Variants in ASH2L observed in about 807,000 individuals in gnomAD.
ASH2L encodes the protein ASH2 like, histone lysine methyltransferase complex subunit, also known as set1/Ash2 histone methyltransferase complex subunit ASH2.
Under a neutral mutation model 81.1 loss-of-function variants are expected in ASH2L, and 30 were observed. That is an observed-to-expected ratio of 0.37 (90% CI 0.28 to 0.50). ASH2L has a LOEUF of 0.50. ASH2L is among the 20% of genes least tolerant of loss of function. ASH2L has a pLI of 0.95. For synonymous variants in ASH2L, 273 were observed against 279.9 expected, an observed-to-expected ratio of 0.98 and a Z score of 0.24; for missense variants, 559 against 792.1, an observed-to-expected ratio of 0.71 and a Z score of 3.53.
intron 3 of ASH2L, among the ~76,000 whole-genome samples, chr8:38,107,378 G>GT (rs1810482928): frequency 6.6e-6 from 1 of 152,034 alleles, no homozygotes; most frequent in African/African-American, 2.4e-5. Context: ...ACAATGGTGG[G>GT]TATTGCCCCT....
At chr8:38,125,300 A>G (rs1207202187) in intron 10 of ASH2L, among the ~76,000 whole-genome samples, 1 of 152,132 alleles carries the variant, frequency 6.6e-6, no homozygotes, top group Non-Finnish European at 1.5e-5. Context: ...CCCTATGTAC[A>G]CTAAAAACTA....
In ASH2L at chr8:38,139,315, G is replaced by GC. The variant is rs2130600380; in HGVS notation, c.*249dup. On this transcript the variant is annotated 3_prime_UTR_variant, in exon 16 of 16. Transcript: ENST00000343823. Reference sequence around the variant, plus strand: ...AACCGCTGACTCCAGGATTGCATAAGCCCCCTGTGAAATCGGTGCTGTACT... The same window carrying GC: ...AACCGCTGACTCCAGGATTGCATAAGCCCCCCTGTGAAATCGGTGCTGTACT... The GC allele has an allele frequency of 2.3e-6, 1 of 439,110 alleles. No individual in the cohort carries two copies. Among genetic ancestry groups the GC allele is most frequent in the African/African-American group, 1.9e-5 (1 of 51,628 alleles). The allele number at this position is 439,110 out of a possible 1,614,324, so 27.2% of individuals were successfully genotyped here.
chr8:38,133,404 T>C (rs780783670), intron 12 of ASH2L, 50 bp from the exon 13 acceptor site: 2 of 1,343,064 alleles, frequency 1.5e-6, no homozygotes, highest in East Asian at 2.3e-5. Context: ...TTTTTCATGA[T>C]GATGGAGCTG....
intron 9 of ASH2L, 147 bp from the exon 10 acceptor site, chr8:38,120,785 G>A: frequency 1.5e-6 from 1 of 659,196 alleles, no homozygotes; most frequent in Non-Finnish European, 2.6e-6. Context: ...GAAGAGGGCA[G>A]AGTTACTTAT....
chr8:38,133,028 A>C (rs756453545), intron 12 of ASH2L, among the ~76,000 whole-genome samples: 40 of 152,048 alleles, frequency 2.6e-4, no homozygotes, highest in Non-Finnish European at 4.7e-4. Flanking sequence ...CGGAGGTTGC[A>C]GTGAGAAGAG....
rs373296500 is a variant in ASH2L at position 38,136,697 on chromosome 8, C to A, written c.1719+931C>A. 1.8e-4 allele frequency among the ~76,000 whole-genome samples: 28 copies of A among 151,732 alleles called. 1 individual carries two copies. The highest frequency in any genetic ancestry group is 5.8e-4 in the African/African-American group (24 of 41,374). Reference sequence around the variant, plus strand: ...GGCTGAGGCAGGAGAATCACTTGAACCCAGGAGGCGGAGGTTGCAATGAGC... The same window carrying A: ...GGCTGAGGCAGGAGAATCACTTGAAACCAGGAGGCGGAGGTTGCAATGAGC... On this transcript the variant is annotated intron_variant, in intron 14 of 15. Transcript: ENST00000343823.
intron 11 of ASH2L, 69 bp from the exon 12 acceptor site, chr8:38,128,688 CT>C: frequency 1.3e-6 from 2 of 1,557,552 alleles, no homozygotes; most frequent in African/African-American, 1.4e-5. Flanking sequence ...GAAATAGGAT[CT>C]TTTTCCTTCA....
rs1810433530 is a variant in ASH2L, at chr8:38,106,379, G to A, written c.190G>A (p.Glu64Lys). ...EPSSGEAEGGEANLVDVSGGL... is the reference protein window; with the variant it reads ...EPSSGEAEGGKANLVDVSGGL... ...TTGAGCGCTTTCATTATCTTATAGG[G>A]AGGCAAACTTGGTCGATGTAAGCGG... Residue 64 changes from glutamate (E) to lysine (K), a missense_variant and splice_region_variant, in exon 2 of 16, where the codon GAG (glutamate) becomes AAG (lysine). Physicochemically the swap from Glu to Lys is moderately conservative, Grantham distance 56. This residue lies in a region of ASH2L where 145 missense variants were observed against 115.5 expected (regional missense o/e 1.26). Transcript: ENST00000343823. The A allele has an allele frequency of 3.1e-6, 5 of 1,613,914 alleles. No individual in the cohort carries two copies. In the African/African-American group the frequency reaches 5.3e-5, roughly 17 times the overall value.
chr8:38,119,242 T>C lies in ASH2L; in HGVS notation c.854-28T>C, dbSNP rs562433102. 3.1e-5 allele frequency: 48 copies of C among 1,545,582 alleles called. No individual in the cohort carries two copies. In the East Asian group the frequency reaches 6.9e-4, roughly 22 times the overall value. ...CACATGGTGTTTCCCTTGTGGCTCATTGAAAGCAATCTGCCTTCTCTTCAA... is the reference window on the plus strand; with the variant it reads ...CACATGGTGTTTCCCTTGTGGCTCACTGAAAGCAATCTGCCTTCTCTTCAA... On this transcript the variant is annotated intron_variant, in intron 8 of 15. Transcript: ENST00000343823.
intron 10 of ASH2L, among the ~76,000 whole-genome samples, chr8:38,126,453 T>C (rs1801846951): frequency 6.6e-6 from 1 of 152,170 alleles, no homozygotes; most frequent in Non-Finnish European, 1.5e-5. Flanking sequence ...TTTAATAGTA[T>C]TATTGTTAAT....
In ASH2L at chr8:38,120,964, C is replaced by T. The variant is rs1371189100; in HGVS notation, c.980C>T (p.Pro327Leu). The change falls in exon 10 of 16, where the codon CCT (proline) becomes CTT (leucine). Residue 327 changes from proline (P) to leucine (L), a missense_variant. Pro to Leu is a moderately conservative substitution (Grantham distance 98, BLOSUM62 -3). This residue lies in a region of ASH2L where 318 missense variants were observed against 527.0 expected (regional missense o/e 0.60). Coordinates refer to ENST00000343823, the MANE Select transcript of ASH2L (RefSeq NM_004674.5). ...TTGTTTTCTGCTCAGCGCCTTCCCCCTCATGGCTACCCATTGGAACACCCG... is the reference window on the plus strand; with the variant it reads ...TTGTTTTCTGCTCAGCGCCTTCCCCTTCATGGCTACCCATTGGAACACCCG... ...DPLFSAQRLPPHGYPLEHPFN... is the reference protein window; with the variant it reads ...DPLFSAQRLPLHGYPLEHPFN... 1.2e-6 allele frequency: 2 copies of T among 1,613,718 alleles called. No homozygotes were observed. The highest frequency in any genetic ancestry group is 2.2e-5 in the East Asian group (1 of 44,842).
chr8:38,114,658 T>G (rs1405252230), intron 6 of ASH2L: 1 of 461,122 alleles, frequency 2.2e-6, no homozygotes, highest in Non-Finnish European at 3.8e-6. Flanking sequence ...AACAGCAAGC[T>G]GTTAACAGTG....
At chr8:38,138,728 T>C in intron 14 of ASH2L, 88 bp from the exon 15 acceptor site, 1 of 1,148,620 alleles carries the variant, frequency 8.7e-7, no homozygotes, top group Non-Finnish European at 1.3e-6. Flanking sequence ...GTAGCCACAT[T>C]TAAAGTGAAA....
At chr8:38,105,965 T>C (rs1240449179) in intron 1 of ASH2L, 4 of 1,524,564 alleles carry the variant, frequency 2.6e-6, no homozygotes, top group African/African-American at 1.4e-5. Context: ...TCGTTATCTC[T>C]GATCCTTGCA....
At chr8:38,106,539 G>A in intron 2 of ASH2L, 95 bp downstream of exon 2, 1 of 1,069,960 alleles carries the variant, frequency 9.3e-7, no homozygotes, top group South Asian at 1.5e-5. Context: ...ACGGAGCCTT[G>A]CTCTGTCGCC....
At chr8:38,108,194 G>A (rs952167226) in intron 3 of ASH2L, among the ~76,000 whole-genome samples, 2 of 152,104 alleles carry the variant, frequency 1.3e-5, no homozygotes, top group African/African-American at 4.8e-5. Flanking sequence ...TGTGATTTAG[G>A]AAAGAGTGTT....
chr8:38,119,260 C>G lies in ASH2L; in HGVS notation c.854-10C>G. ...TGGCTCATTGAAAGCAATCTGCCTTCTCTTCAAAGGGGGAATTGCAGCAGG... is the reference window on the plus strand; with the variant it reads ...TGGCTCATTGAAAGCAATCTGCCTTGTCTTCAAAGGGGGAATTGCAGCAGG... On this transcript the variant is annotated splice_polypyrimidine_tract_variant and intron_variant, in intron 8 of 15. Coordinates refer to ENST00000343823, the MANE Select transcript of ASH2L (RefSeq NM_004674.5). 2 of 1,549,488 alleles carry G rather than the reference C, an allele frequency of 1.3e-6. No individual in the cohort carries two copies. Among genetic ancestry groups the G allele is most frequent in the East Asian group, 4.9e-5 (2 of 40,748 alleles).
At position 38,138,950 on chromosome 8, in the gene ASH2L, C is replaced by T; in HGVS notation, c.1780-14C>T. On this transcript the variant is annotated splice_polypyrimidine_tract_variant and intron_variant, in intron 15 of 15. Transcript: ENST00000343823. ...GCTGTAGTCACCGTGTTCTGTTTCT[C>T]ATTCCTCCTGCAGATGAGTGACATG... The T allele has an allele frequency of 6.2e-7, 1 of 1,613,720 alleles. No individual in the cohort carries two copies. The highest frequency in any genetic ancestry group is 8.5e-7 in the Non-Finnish European group (1 of 1,179,684).
chr8:38,105,585 C>T lies in ASH2L; in HGVS notation c.35C>T (p.Ala12Val), dbSNP rs959450434. Residue 12 changes from alanine (A) to valine (V), a missense_variant, in exon 1 of 16, where the codon GCG becomes GTG. Ala to Val is a moderately conservative substitution (Grantham distance 64, BLOSUM62 0). This residue lies in a region of ASH2L where 145 missense variants were observed against 115.5 expected (regional missense o/e 1.26). Coordinates refer to ENST00000343823, the MANE Select transcript of ASH2L (RefSeq NM_004674.5). ...GCAGGAGCAGGACCTGGCCAGGAAG[C>T]GGGTGCCGGGCCTGGCCCAGGAGCG... ...AAAGAGPGQE[A>V]GAGPGPGAVA... The T allele has an allele frequency of 3.1e-6, 5 of 1,588,830 alleles. No homozygotes were observed. The South Asian group carries it at 3.4e-5, about 11-fold the overall frequency.
Sources: gnomAD v4.1 joint callset for allele counts (sites outside exome capture counted in the v4.1 genomes callset) on GRCh38, gnomAD v4.1.1 for gene constraint, gnomAD v4.1.1 regional missense constraint, MANE v1.5 for transcripts, NCBI Gene and HGNC (gene_info 2026-07-23, HGNC 2026-07-21) for gene names.